The following KANSL1L variants were observed in gnomAD, a reference collection of about 807,000 sequenced individuals.
KANSL1L encodes KAT8 regulatory NSL complex subunit 1 like, also known as KAT8 regulatory NSL complex subunit 1-like protein.
In KANSL1L, 25 loss-of-function variants were observed where a neutral mutation model predicts 108.6. The ratio of observed to expected loss-of-function variants is 0.23; its 90% CI spans 0.17 to 0.32. The LOEUF is 0.32. Among genes scored for constraint, KANSL1L ranks in the 10% least tolerant of loss-of-function variants. The pLI is 1.00. For synonymous variants in KANSL1L, 405 were observed against 395.1 expected, an observed-to-expected ratio of 1.03 and a Z score of -0.30; for missense variants, 1,137 against 1,125.7, an observed-to-expected ratio of 1.01 and a Z score of -0.14.
intron 1 of KANSL1L, among the ~76,000 whole-genome samples, chr2:210,156,550 G>C (rs2095334139): frequency 6.6e-6 from 1 of 151,786 alleles, no homozygotes; most frequent in African/African-American, 2.4e-5. Flanking sequence ...AAATAAAAAA[G>C]AACACTGTAA....
At chr2:210,128,709 C>T (rs1469227287) in intron 3 of KANSL1L, among the ~76,000 whole-genome samples, 3 of 151,982 alleles carry the variant, frequency 2.0e-5, no homozygotes, top group Non-Finnish European at 4.4e-5. Context: ...TTTAATAACA[C>T]AACTATACAC....
chr2:210,048,582 TACAC>T (rs1001776392), intron 6 of KANSL1L, among the ~76,000 whole-genome samples: 1 of 152,012 alleles, frequency 6.6e-6, no homozygotes, highest in African/African-American at 2.4e-5. Flanking sequence ...TATATATATA[TACAC>T]ACACACATAC....
Position 210,171,295 on chromosome 2 carries a change from GGCC to G in KANSL1L, c.-179_-177del, listed in dbSNP as rs66917529. On this transcript the variant is annotated 5_prime_UTR_variant, in exon 1 of 15. Transcript: ENST00000281772. Reference sequence around the variant, plus strand: ...CCAGAGCGCGCCCCGCTCCCGCCCCGGCCGCCGCCGCCGCCGCCGCCGCCGCCG... The same window carrying G: ...CCAGAGCGCGCCCCGCTCCCGCCCCGGCCGCCGCCGCCGCCGCCGCCGCCG... 1,411 of 174,742 alleles carry G rather than the reference GGCC, an allele frequency of 8.1e-3. 24 individuals are homozygous for G. The highest frequency in any genetic ancestry group is 0.029 in the African/African-American group (1,209 of 41,028). 10.8% of individuals were successfully genotyped at this position (174,742 alleles called of 1,614,324 possible). A position where few individuals can be genotyped will look rare whatever the true frequency, so the allele number is the denominator to read the frequency against.
intron 3 of KANSL1L, among the ~76,000 whole-genome samples, chr2:210,107,173 A>T (rs1383042026): frequency 2.0e-5 from 3 of 152,278 alleles, no homozygotes; most frequent in Non-Finnish European, 2.9e-5. Flanking sequence ...TGAAAAAAGA[A>T]CTGCCTCAGC....
At chr2:210,168,102 T>G (rs1485450987) in intron 1 of KANSL1L, among the ~76,000 whole-genome samples, 2 of 152,134 alleles carry the variant, frequency 1.3e-5, no homozygotes, top group Non-Finnish European at 2.9e-5. Context: ...ATTAAAGTAC[T>G]ATAATGCAGT....
rs2093975133 is a variant in KANSL1L, at chr2:210,028,839, A to G, written c.2396+6T>C. ...AAGAAAAATATGAAGATGTAAGTAT[A>G]CATACCTTGGAGTAAGTATTTCCTT... is the stretch of plus-strand genomic sequence containing the variant. On this transcript the variant is annotated splice_donor_region_variant and intron_variant, in intron 11 of 14. Transcript: ENST00000281772. 3 of 1,570,944 alleles carry G rather than the reference A, an allele frequency of 1.9e-6. No homozygotes were observed. In the East Asian group the frequency reaches 6.8e-5, roughly 36 times the overall value.
Position 210,171,329 on chromosome 2 carries a change from G to GTTTAACAGT in KANSL1L, c.-211_-210insACTGTTAAA, listed in dbSNP as rs1688326879. ...CGCCGCCGCCGCCGCCGCCGCCGCC[G>GTTTAACAGT]CCGCCGCCGCCGCGGTTTAACAGTC... On this transcript the variant is annotated 5_prime_UTR_variant, in exon 1 of 15. Transcript: ENST00000281772. The GTTTAACAGT allele has an allele frequency of 1.2e-5, 2 of 165,834 alleles. No individual in the cohort carries two copies. Among genetic ancestry groups the GTTTAACAGT allele is most frequent in the South Asian group, 3.4e-4 (2 of 5,900 alleles). 10.3% of individuals were successfully genotyped at this position (165,834 alleles called of 1,614,324 possible).
rs751427161 is a variant in KANSL1L, at chr2:210,153,344, ACT to A, written c.1088+149_1088+150del. On this transcript the variant is annotated intron_variant, in intron 2 of 14. Coordinates refer to ENST00000281772, the MANE Select transcript of KANSL1L (RefSeq NM_152519.4). Reference sequence around the variant, plus strand: ...ACTCCAGCCTGGGCGACAGAGCGAGACTCTGTCTCAAAAATAAAAATTAAAAA... The same window carrying A: ...ACTCCAGCCTGGGCGACAGAGCGAGACTGTCTCAAAAATAAAAATTAAAAA... 113 of 634,480 alleles carry A rather than the reference ACT, an allele frequency of 1.8e-4. No individual in the cohort carries two copies. The East Asian group carries it at 1.9e-3, about 11-fold the overall frequency. The allele number at this position is 634,480 out of a possible 1,614,324, so 39.3% of individuals were successfully genotyped here.
chr2:210,032,325 G>A (rs2094029671), intron 8 of KANSL1L: 2 of 152,198 alleles, frequency 1.3e-5, no homozygotes, highest in African/African-American at 4.8e-5. Context: ...ATAGGTACAT[G>A]CACAGATAGG....
chr2:210,116,492 C>G (rs945601985), intron 3 of KANSL1L, among the ~76,000 whole-genome samples: 1 of 152,114 alleles, frequency 6.6e-6, no homozygotes, highest in African/African-American at 2.4e-5. Flanking sequence ...CTGTGCAGTC[C>G]CAGTGGTCCT....
chr2:210,068,299 GTTTT>G (rs200180875), intron 6 of KANSL1L, among the ~76,000 whole-genome samples: 2 of 151,032 alleles, frequency 1.3e-5, no homozygotes, highest in Non-Finnish European at 3.0e-5. Flanking sequence ...CTTTTTTCTT[GTTTT>G]TTTTAGCCAT....
At position 210,044,920 on chromosome 2, in the gene KANSL1L, C is replaced by A. The variant is rs141594214; in HGVS notation, c.1756-816G>T. On this transcript the variant is annotated intron_variant, in intron 6 of 14. Transcript: ENST00000281772. The surrounding 1 kb of genome is among the most constrained non-coding windows in gnomAD (Gnocchi z 4.2). ...GAGTAACTGGGATTACAGGCACGTGCCACTGCGCCCAGCTACTTTTTGTAT... is the reference window on the plus strand; with the variant it reads ...GAGTAACTGGGATTACAGGCACGTGACACTGCGCCCAGCTACTTTTTGTAT... 7.3e-4 allele frequency among the ~76,000 whole-genome samples: 111 copies of A among 152,192 alleles called. 1 individual carries two copies. The highest frequency in any genetic ancestry group is 3.4e-3 in the Middle Eastern group (1 of 294).
chr2:210,077,256 C>G (rs2094549344), intron 5 of KANSL1L, among the ~76,000 whole-genome samples: 1 of 151,704 alleles, frequency 6.6e-6, no homozygotes, highest in African/African-American at 2.4e-5. Flanking sequence ...TGACAACTAC[C>G]TCACTTTTAA....
At position 210,129,023 on chromosome 2, in the gene KANSL1L, GA is replaced by G. The variant is rs2095095176; in HGVS notation, c.1230+7del. 1 of 1,610,496 alleles carries G rather than the reference GA, an allele frequency of 6.2e-7. No homozygotes were observed. Among genetic ancestry groups the G allele is most frequent in the African/African-American group, 1.3e-5 (1 of 74,834 alleles). ...TAACAAAAGTAGAAGAACACAGACA[GA>G]CAATACCTTGGAGGCACGAATTTGC... On this transcript the variant is annotated splice_region_variant and intron_variant, in intron 3 of 14. Coordinates refer to ENST00000281772, the MANE Select transcript of KANSL1L (RefSeq NM_152519.4).
Position 210,156,406 on chromosome 2 carries a change from A to T in KANSL1L, c.-29-1795T>A, listed in dbSNP as rs186880939. Among the ~76,000 whole-genome samples the T allele has an allele frequency of 3.0e-3, 461 of 152,272 alleles. 2 individuals carry two copies. The highest frequency in any genetic ancestry group is 5.3e-3 in the Non-Finnish European group (359 of 67,964). On this transcript the variant is annotated intron_variant, in intron 1 of 14. Transcript: ENST00000281772. ...AGGGTAATGTTCATAATGGCAAAACATCCTTTCAAAACAATCTAGATGTCT... is the reference window on the plus strand; with the variant it reads ...AGGGTAATGTTCATAATGGCAAAACTTCCTTTCAAAACAATCTAGATGTCT...
intron 5 of KANSL1L, among the ~76,000 whole-genome samples, chr2:210,092,641 T>G (rs1001623080): frequency 6.6e-6 from 1 of 152,222 alleles, no homozygotes; most frequent in Non-Finnish European, 1.5e-5. Context: ...ATGATCTTTT[T>G]TTGCTGTCTG....
At chr2:210,070,301 G>T (rs1329856024) in intron 6 of KANSL1L, among the ~76,000 whole-genome samples, 1 of 116,052 alleles carries the variant, frequency 8.6e-6, no homozygotes, top group African/African-American at 3.4e-5. Context: ...CGCGATCTCC[G>T]CTCACTGCAA....
intron 3 of KANSL1L, among the ~76,000 whole-genome samples, chr2:210,127,778 G>A (rs1255970157): frequency 1.4e-5 from 1 of 71,140 alleles, no homozygotes; most frequent in African/African-American, 4.8e-5. Flanking sequence ...CAGCCTGGGT[G>A]ACAGAACAAG....
At chr2:210,076,133 A>T (rs1173250187) in intron 5 of KANSL1L, among the ~76,000 whole-genome samples, 2 of 152,180 alleles carry the variant, frequency 1.3e-5, no homozygotes, top group Admixed American at 1.3e-4. Context: ...ACAGGTTTTT[A>T]AAAGAACTAA....
Sources: allele counts gnomAD v4.1 joint callset (sites outside exome capture counted in the v4.1 genomes callset), GRCh38; gene constraint gnomAD v4.1.1; non-coding constraint Gnocchi (gnomAD v3.1); transcripts MANE v1.5; gene names NCBI Gene and HGNC (gene_info 2026-07-23, HGNC 2026-07-21).